Variants in PBLD observed in about 807,000 individuals in gnomAD.
The protein encoded by PBLD is phenazine biosynthesis-like domain-containing protein.
In PBLD, 26 loss-of-function variants were observed where a neutral mutation model predicts 31.3. That is an observed-to-expected ratio of 0.83 (90% CI 0.61 to 1.15). The LOEUF (loss-of-function observed/expected upper bound fraction) is 1.15. Among genes scored for constraint, PBLD ranks in the 50% most tolerant of loss-of-function variants. The pLI is 0.00. For missense variants in PBLD, 307 were observed against 351.7 expected, an observed-to-expected ratio of 0.87 and a Z score of 1.02; for synonymous variants, 114 against 129.0, an observed-to-expected ratio of 0.88 and a Z score of 0.79.
intron 4 of PBLD, among the ~76,000 whole-genome samples, chr10:68,294,839 T>C (rs1900017): frequency 0.65 from 98,154 of 152,098 alleles, 32,345 homozygotes; most frequent in Middle Eastern, 0.75. Context: ...GCGATTCTCC[T>C]GCCTTAGCCT....
At chr10:68,305,997 C>A (rs1012917047) in intron 2 of PBLD, among the ~76,000 whole-genome samples, 1 of 152,160 alleles carries the variant, frequency 6.6e-6, no homozygotes, top group Non-Finnish European at 1.5e-5. Context: ...CTTGTGCTAA[C>A]TGCTCTGAGT....
intron 1 of PBLD, among the ~76,000 whole-genome samples, chr10:68,307,677 T>A (rs1452001311): frequency 6.6e-6 from 1 of 151,974 alleles, no homozygotes; most frequent in African/African-American, 2.4e-5. Flanking sequence ...TTTTTTGTAT[T>A]TTTAGTAGAG....
chr10:68,303,019 G>A (rs1037594109), intron 2 of PBLD, among the ~76,000 whole-genome samples: 2 of 151,478 alleles, frequency 1.3e-5, no homozygotes, highest in Admixed American at 1.3e-4. Context: ...GGTCTTTATT[G>A]TCAAACGGAT....
In PBLD at chr10:68,292,042, A is replaced by G; in HGVS notation, c.394-3T>C. 11 of 1,588,736 alleles carry G rather than the reference A, an allele frequency of 6.9e-6. No individual in the cohort carries two copies. Among genetic ancestry groups the G allele is most frequent in the Non-Finnish European group, 9.5e-6 (11 of 1,159,196 alleles). ...AAGTCCTCTACTTCATGGAAGTCCT[A>G]GATGGGGGGAAAAAAAACAAAATTA... On this transcript the variant is annotated splice_polypyrimidine_tract_variant and splice_region_variant and intron_variant, in intron 5 of 9. Transcript: ENST00000358769.
rs2044438015 is a variant in PBLD at position 68,296,953 on chromosome 10, T to C, written c.117A>G (p.Ala39=). 22 of 1,613,936 alleles carry C rather than the reference T, an allele frequency of 1.4e-5. No individual in the cohort carries two copies. In the East Asian group the frequency reaches 4.9e-4, roughly 36 times the overall value. Residue 39 remains alanine, a synonymous_variant, in exon 3 of 10, where the codon GCA becomes GCG. Coordinates refer to ENST00000358769, the MANE Select transcript of PBLD (RefSeq NM_022129.4). The part of the protein sequence containing the change: ...ELDEDMHQKI[A]REMNLSETAF... Reference sequence around the variant, plus strand: ...CAGTTTCAGAGAGGTTCATCTCCCTTGCAATTTTCTGATGCATGTCTTCAT... The same window carrying C: ...CAGTTTCAGAGAGGTTCATCTCCCTCGCAATTTTCTGATGCATGTCTTCAT...
intron 1 of PBLD, among the ~76,000 whole-genome samples, chr10:68,318,524 T>TA (rs200095770): frequency 0.044 from 6,204 of 139,456 alleles, 211 homozygotes; most frequent in East Asian, 0.2. Flanking sequence ...CTGTCTCTTT[T>TA]AAAAAAAAAA....
chr10:68,320,477 CA>C (rs781047580), intron 1 of PBLD, among the ~76,000 whole-genome samples: 1 of 152,248 alleles, frequency 6.6e-6, no homozygotes, highest in South Asian at 2.1e-4. Flanking sequence ...CTGTGGATAT[CA>C]AAATCCAAAG....
At position 68,307,132 on chromosome 10, in the gene PBLD, C is replaced by T. The variant is rs1023555327; in HGVS notation, c.-59-229G>A. 3.3e-5 allele frequency among the ~76,000 whole-genome samples: 5 copies of T among 152,142 alleles called. No individual in the cohort carries two copies. In the South Asian group the frequency reaches 6.2e-4, roughly 19 times the overall value. ...GTAACCTCCGCCTCCCCGGTTCAAG[C>T]GATTTTCCTGCCTCAGCCTCTTGAG... On this transcript the variant is annotated intron_variant, in intron 1 of 9. Transcript: ENST00000358769.
At chr10:68,298,793 C>T (rs1358635505) in intron 2 of PBLD, among the ~76,000 whole-genome samples, 2 of 138,350 alleles carry the variant, frequency 1.4e-5, no homozygotes, top group Non-Finnish European at 3.2e-5. Context: ...CACACACACA[C>T]ATTCCTCTTA....
At chr10:68,295,689 C>T (rs902077698) in intron 4 of PBLD, among the ~76,000 whole-genome samples, 10 of 151,068 alleles carry the variant, frequency 6.6e-5, no homozygotes, top group African/African-American at 1.7e-4. Context: ...TGGTGCCTCA[C>T]GCCTATAATC....
At chr10:68,286,085 CTTTTTTT>C (rs71009034) in intron 8 of PBLD, among the ~76,000 whole-genome samples, 3 of 103,422 alleles carry the variant, frequency 2.9e-5, no homozygotes, top group Non-Finnish European at 5.5e-5. Context: ...TTGAATAATT[CTTTTTTT>C]TTTTTTTTTT....
intron 1 of PBLD, among the ~76,000 whole-genome samples, chr10:68,318,869 T>G (rs374725582): frequency 6.6e-6 from 1 of 151,730 alleles, no homozygotes; most frequent in East Asian, 1.9e-4. Context: ...AGTTCACAGC[T>G]GCAGTGAGGT....
chr10:68,305,891 G>GA (rs2044571494), intron 2 of PBLD, among the ~76,000 whole-genome samples: 1 of 152,140 alleles, frequency 6.6e-6, no homozygotes, highest in African/African-American at 2.4e-5. Context: ...CACTGTCCCT[G>GA]AAGGCCCCAA....
At chr10:68,324,870 C>T (rs2044891839) in intron 1 of PBLD, among the ~76,000 whole-genome samples, 1 of 150,296 alleles carries the variant, frequency 6.7e-6, no homozygotes, top group African/African-American at 2.4e-5. Context: ...CATGCCTTGG[C>T]CTCCCAAAGT....
At chr10:68,293,862 C>T (rs2044390785) in intron 4 of PBLD, among the ~76,000 whole-genome samples, 1 of 119,328 alleles carries the variant, frequency 8.4e-6, no homozygotes, top group South Asian at 2.9e-4. Context: ...GTAATCCCAG[C>T]TACTTGGGAG....
chr10:68,297,898 G>A (rs968154197), intron 2 of PBLD, among the ~76,000 whole-genome samples: 1 of 151,378 alleles, frequency 6.6e-6, no homozygotes, highest in Non-Finnish European at 1.5e-5. Context: ...CTTGAGTCCA[G>A]GAGTTCAAGA....
At chr10:68,297,027 G>A (rs1345005391) in intron 2 of PBLD, 42 bp from the exon 3 acceptor site, 2 of 1,453,902 alleles carry the variant, frequency 1.4e-6, no homozygotes, top group Non-Finnish European at 1.9e-6. Context: ...CAAAAACACA[G>A]ATCAGACTTC....
intron 1 of PBLD, among the ~76,000 whole-genome samples, chr10:68,313,562 T>C (rs532540572): frequency 6.6e-6 from 1 of 152,334 alleles, no homozygotes; most frequent in Non-Finnish European, 1.5e-5. Flanking sequence ...ACCAGATTTA[T>C]GTTCAAACAC....
At chr10:68,298,468 A>T (rs957967835) in intron 2 of PBLD, among the ~76,000 whole-genome samples, 2 of 151,988 alleles carry the variant, frequency 1.3e-5, no homozygotes, top group African/African-American at 4.8e-5. Flanking sequence ...CTCTAAAAAA[A>T]TTTTTTTTTA....
Sources: allele counts gnomAD v4.1 joint callset (sites outside exome capture counted in the v4.1 genomes callset), GRCh38; gene constraint gnomAD v4.1.1; transcripts MANE v1.5; gene names NCBI Gene and HGNC (gene_info 2026-07-23, HGNC 2026-07-21).